EDA: variants seen among roughly 807,000 people sequenced by gnomAD.
EDA encodes the protein ectodysplasin A, also known as ectodysplasin-A.
In EDA, 2 loss-of-function variants were observed where a neutral mutation model predicts 23.6. That is an observed-to-expected ratio of 0.08 (90% CI 0.03 to 0.27). The LOEUF (loss-of-function observed/expected upper bound fraction) is 0.27. Among genes scored for constraint, EDA ranks in the 10% least tolerant of loss-of-function variants. The probability of loss-of-function intolerance (pLI) is 1.00; values close to 1 mark genes in which losing one functional copy is unlikely to be tolerated. For missense variants in EDA, 229 were observed against 324.2 expected, an observed-to-expected ratio of 0.71 and a Z score of 2.26; for synonymous variants, 131 against 132.0, an observed-to-expected ratio of 0.99 and a Z score of 0.05.
At chrX:69,676,073 G>C (rs191863544) in intron 1 of EDA, among the ~76,000 whole-genome samples, 18 of 111,407 alleles carry the variant, frequency 1.6e-4, no homozygotes, top group African/African-American at 5.5e-4. Context: ...TGAGTAAAAG[G>C]AAGAGTAATA....
intron 1 of EDA, among the ~76,000 whole-genome samples, chrX:69,731,097 T>A (rs978908564): frequency 1.8e-5 from 2 of 112,459 alleles, no homozygotes; most frequent in African/African-American, 6.5e-5. Flanking sequence ...TTATTTTGTA[T>A]CTTTCAAAGA....
At chrX:69,903,101 T>A (rs913302588) in intron 1 of EDA, among the ~76,000 whole-genome samples, 86 of 112,144 alleles carry the variant, frequency 7.7e-4, no homozygotes, top group African/African-American at 2.6e-3. Context: ...TTAGCAAGTT[T>A]ATAATCCCTC....
intron 1 of EDA, among the ~76,000 whole-genome samples, chrX:69,828,192 G>A (rs2016507605): frequency 8.9e-6 from 1 of 112,098 alleles, no homozygotes; most frequent in African/African-American, 3.2e-5. Flanking sequence ...AGCCTACAGA[G>A]GCAGGCAGGC....
intron 1 of EDA, among the ~76,000 whole-genome samples, chrX:69,758,889 C>T (rs1013352076): frequency 3.6e-5 from 4 of 111,894 alleles, no homozygotes; most frequent in South Asian, 7.5e-4. Flanking sequence ...ATGGAGATCA[C>T]ATCTTTTTTT....
intron 1 of EDA, among the ~76,000 whole-genome samples, chrX:69,711,474 C>T (rs2012031004): frequency 1.8e-5 from 2 of 111,321 alleles, no homozygotes; most frequent in Non-Finnish European, 3.8e-5. Context: ...TGTGTCTCCG[C>T]CAGGCTTTGG....
intron 2 of EDA, among the ~76,000 whole-genome samples, chrX:70,020,428 G>A (rs367774285): frequency 9.1e-6 from 1 of 110,449 alleles, no homozygotes; most frequent in East Asian, 2.8e-4. Flanking sequence ...GCGTGGTGGC[G>A]GGTGCCTGTA....
chrX:69,626,027 T>C (rs1332830532), intron 1 of EDA, among the ~76,000 whole-genome samples: 1 of 110,932 alleles, frequency 9.0e-6, no homozygotes, highest in Non-Finnish European at 1.9e-5. Flanking sequence ...ATACCACAAA[T>C]GAAGATACAC....
chrX:69,936,930 T>A (rs2018681349), intron 1 of EDA, among the ~76,000 whole-genome samples: 1 of 110,819 alleles, frequency 9.0e-6, no homozygotes, highest in South Asian at 3.9e-4. Flanking sequence ...CCTAAATGTG[T>A]TTTTTTGTTG....
chrX:69,734,142 C>G (rs2013158976), intron 1 of EDA, among the ~76,000 whole-genome samples: 1 of 111,506 alleles, frequency 9.0e-6, no homozygotes, highest in Admixed American at 9.5e-5. Flanking sequence ...TTCAGATTAT[C>G]TATTTTTTTC....
intron 3 of EDA, among the ~76,000 whole-genome samples, chrX:70,025,149 G>A (rs1323407932): frequency 9.0e-5 from 10 of 110,583 alleles, no homozygotes; most frequent in African/African-American, 3.0e-4. Context: ...TTTCTCAAAT[G>A]CCTTCTAACA....
chrX:69,951,183 A>T (rs189891921), intron 1 of EDA, among the ~76,000 whole-genome samples: 4 of 111,138 alleles, frequency 3.6e-5, no homozygotes, highest in Non-Finnish European at 7.5e-5. Context: ...AAAATAAAAA[A>T]AAATAAAAAA....
intron 1 of EDA, among the ~76,000 whole-genome samples, chrX:69,938,301 T>C (rs1267833654): frequency 8.9e-6 from 1 of 111,865 alleles, no homozygotes; most frequent in Non-Finnish European, 1.9e-5. Flanking sequence ...AAGGCCATTT[T>C]CACTGGGGTG....
At chrX:70,022,171 T>G (rs2020043022) in intron 2 of EDA, among the ~76,000 whole-genome samples, 1 of 110,284 alleles carries the variant, frequency 9.1e-6, no homozygotes, top group Admixed American at 9.7e-5. Context: ...CTAAACTGTT[T>G]GGGGAGTTGC....
intron 1 of EDA, among the ~76,000 whole-genome samples, chrX:69,813,744 G>A (rs755045200): frequency 2.7e-5 from 3 of 110,367 alleles, no homozygotes; most frequent in African/African-American, 9.9e-5. Flanking sequence ...ATTTGCAGTG[G>A]CATACCCCAG....
At chrX:69,825,421 T>G (rs1358160553) in intron 1 of EDA, among the ~76,000 whole-genome samples, 2 of 110,144 alleles carry the variant, frequency 1.8e-5, no homozygotes, top group African/African-American at 6.6e-5. Context: ...CCTGGTTTAG[T>G]CTTGGGAGAG....
chrX:69,765,287 TTCTA>T (rs1283680148), intron 1 of EDA, among the ~76,000 whole-genome samples: 1 of 112,606 alleles, frequency 8.9e-6, no homozygotes, highest in Admixed American at 9.4e-5. Flanking sequence ...TTTATATAGG[TTCTA>T]TCTACCTTGT....
chrX:69,701,787 G>T (rs1357719134), intron 1 of EDA, among the ~76,000 whole-genome samples: 2 of 111,044 alleles, frequency 1.8e-5, no homozygotes, highest in Non-Finnish European at 3.8e-5. Context: ...CTGCTTTATG[G>T]ACACCCTTTT....
At chrX:69,755,555 A>G (rs2014082555) in intron 1 of EDA, among the ~76,000 whole-genome samples, 1 of 111,298 alleles carries the variant, frequency 9.0e-6, no homozygotes, top group Non-Finnish European at 1.9e-5. Flanking sequence ...CAGATCTCAA[A>G]CTCCATGTTG....
At position 70,024,837 on chromosome X, in the gene EDA, A is replaced by G. The variant is rs772324439; in HGVS notation, c.526+1596A>G. Among the ~76,000 whole-genome samples the G allele has an allele frequency of 2.7e-5, 3 of 112,511 alleles. No homozygotes were observed. The East Asian group carries it at 8.3e-4, about 31-fold the overall frequency. ...AAAAGGTTAAGGAAATACTCCTTTGATGAAGTTTAGCTTTGAAAGGAATGT... is the reference window on the plus strand; with the variant it reads ...AAAAGGTTAAGGAAATACTCCTTTGGTGAAGTTTAGCTTTGAAAGGAATGT... On this transcript the variant is annotated intron_variant, in intron 3 of 7. Coordinates refer to ENST00000374552, the MANE Select transcript of EDA (RefSeq NM_001399.5).
Sources: gnomAD v4.1 joint callset for allele counts (sites outside exome capture counted in the v4.1 genomes callset) on GRCh38, gnomAD v4.1.1 for gene constraint, MANE v1.5 for transcripts, NCBI Gene and HGNC (gene_info 2026-07-23, HGNC 2026-07-21) for gene names.